TTC7B: variants seen among roughly 807,000 people sequenced by gnomAD.
TTC7B encodes the protein tetratricopeptide repeat domain 7B.
Under a neutral mutation model 106.8 loss-of-function variants are expected in TTC7B, and 28 were observed. The observed-to-expected ratio is 0.26, with a 90% CI of 0.19 to 0.36. TTC7B has a LOEUF of 0.36. Ranked by LOEUF, TTC7B falls within the 10% of genes least tolerant of loss-of-function variation. The probability of loss-of-function intolerance (pLI) is 1.00; values close to 1 mark genes in which losing one functional copy is unlikely to be tolerated. For missense variants in TTC7B, 862 were observed against 1,076.4 expected (o/e 0.80, Z 2.79); for synonymous variants, 405 against 430.6 (o/e 0.94, Z 0.74).
intron 1 of TTC7B, among the ~76,000 whole-genome samples, chr14:90,793,331 T>C (rs1385582793): frequency 6.6e-6 from 1 of 151,876 alleles, no homozygotes; most frequent in Non-Finnish European, 1.5e-5. Context: ...CGAGACCAGC[T>C]TGGCCAACAT....
In TTC7B at chr14:90,663,475, C is replaced by T. The variant is rs764579754; in HGVS notation, c.1153-5088G>A. ...GTTTTTTTTTTGCTGCTAATGGGGACCCTTGCTTGAGGCTACTAAGGACTG... is the reference window on the plus strand; with the variant it reads ...GTTTTTTTTTTGCTGCTAATGGGGATCCTTGCTTGAGGCTACTAAGGACTG... On this transcript the variant is annotated intron_variant, in intron 9 of 19. Transcript: ENST00000328459. This position sits in a 1 kb window ranked among gnomAD's most constrained non-coding sequence, Gnocchi z 4.5. Among the ~76,000 whole-genome samples, 4 of 151,824 alleles carry T rather than the reference C, an allele frequency of 2.6e-5. No individual in the cohort carries two copies. The highest frequency in any genetic ancestry group is 1.3e-4 in the Admixed American group (2 of 15,244).
intron 19 of TTC7B, among the ~76,000 whole-genome samples, chr14:90,558,636 A>T (rs548718190): frequency 3.3e-5 from 5 of 152,196 alleles, no homozygotes; most frequent in South Asian, 2.1e-4. Flanking sequence ...GCCTTGGAAA[A>T]TTTTTTTCCA....
chr14:90,652,572 A>G (rs987185332), intron 13 of TTC7B, among the ~76,000 whole-genome samples: 48 of 151,950 alleles, frequency 3.2e-4, no homozygotes, highest in African/African-American at 1.1e-3. Flanking sequence ...CTCCCTTGGC[A>G]TACAAAATAC....
intron 16 of TTC7B, among the ~76,000 whole-genome samples, chr14:90,612,249 C>T (rs1714727904): frequency 6.6e-6 from 1 of 152,170 alleles, no homozygotes; most frequent in Non-Finnish European, 1.5e-5. Flanking sequence ...AGAAACAATA[C>T]ATGTCTGTGA....
chr14:90,773,920 C>A (rs10134276), intron 3 of TTC7B, among the ~76,000 whole-genome samples: 42,046 of 152,096 alleles, frequency 0.28, 9,633 homozygotes, highest in African/African-American at 0.63. Context: ...GAGCAGTCAC[C>A]TGGCTGCTCC....
intron 3 of TTC7B, among the ~76,000 whole-genome samples, chr14:90,754,177 T>C (rs1296488069): frequency 6.6e-6 from 1 of 152,206 alleles, no homozygotes; most frequent in African/African-American, 2.4e-5. Context: ...GGCTCTAGTC[T>C]GTCAAGTAAC....
chr14:90,695,505 G>T lies in TTC7B; in HGVS notation c.772C>A (p.Arg258=). ...AAGTCACTGTTCACACTTACCATTC[G>T]CAGGTTTTGAGTCGTTCTTGTTTCA... The part of the protein sequence containing the change: ...AVETRTTQNL[R]MTIARQLAEI... Residue 258 remains arginine (R), a synonymous_variant, in exon 6 of 20, where the codon CGA becomes AGA. Transcript: ENST00000328459. 2 of 1,589,646 alleles carry T rather than the reference G, an allele frequency of 1.3e-6. No homozygotes were observed. Among genetic ancestry groups the T allele is most frequent in the Non-Finnish European group, 1.7e-6 (2 of 1,168,898 alleles).
At chr14:90,642,434 T>C (rs113423069) in intron 15 of TTC7B, among the ~76,000 whole-genome samples, 2,095 of 152,320 alleles carry the variant, frequency 0.014, 50 homozygotes, top group African/African-American at 0.048. Flanking sequence ...ACTTAAAGTT[T>C]GTGGCTGCAC....
At chr14:90,770,653 CAAA>C (rs1376952647) in intron 3 of TTC7B, among the ~76,000 whole-genome samples, 3 of 105,094 alleles carry the variant, frequency 2.9e-5, no homozygotes. Flanking sequence ...AACTCCATCT[CAAA>C]AAAAAAAAAA....
At chr14:90,652,422 G>A (rs8020455) in intron 13 of TTC7B, among the ~76,000 whole-genome samples, 148,348 of 150,972 alleles carry the variant, frequency 0.98, 72,928 homozygotes, top group East Asian at 1. Flanking sequence ...TCAGTATTTC[G>A]GAGACTTCCT....
At chr14:90,565,381 A>C (rs1385443883) in intron 19 of TTC7B, among the ~76,000 whole-genome samples, 1 of 149,700 alleles carries the variant, frequency 6.7e-6, no homozygotes, top group Non-Finnish European at 1.5e-5. Flanking sequence ...CTTCCTCACT[A>C]AGCTTAATCC....
At chr14:90,769,539 G>A (rs1003802932) in intron 3 of TTC7B, among the ~76,000 whole-genome samples, 7 of 152,236 alleles carry the variant, frequency 4.6e-5, no homozygotes, top group Non-Finnish European at 8.8e-5. Flanking sequence ...GCTGAGGTGG[G>A]AGGATTGCTT....
chr14:90,599,541 G>C (rs1257507422), intron 17 of TTC7B, among the ~76,000 whole-genome samples: 1 of 152,234 alleles, frequency 6.6e-6, no homozygotes, highest in African/African-American at 2.4e-5. Flanking sequence ...TTGCTTCCCA[G>C]CCCTGGAGAA....
At chr14:90,705,171 G>T (rs569651970) in intron 5 of TTC7B, among the ~76,000 whole-genome samples, 1 of 152,166 alleles carries the variant, frequency 6.6e-6, no homozygotes, top group East Asian at 1.9e-4. Flanking sequence ...CTCCCACTAG[G>T]ATGGAGTATG....
At chr14:90,630,416 G>T (rs1884642936) in intron 15 of TTC7B, among the ~76,000 whole-genome samples, 1 of 152,196 alleles carries the variant, frequency 6.6e-6, no homozygotes, top group Non-Finnish European at 1.5e-5. Context: ...ACGAATGCTG[G>T]AAACCCTCCT....
At chr14:90,708,611 C>T (rs371962200) in intron 5 of TTC7B, among the ~76,000 whole-genome samples, 2 of 152,352 alleles carry the variant, frequency 1.3e-5, no homozygotes, top group South Asian at 4.1e-4. Context: ...CCAGATATTA[C>T]TGCTCATTGA....
chr14:90,669,027 G>A (rs1254538457), intron 9 of TTC7B, among the ~76,000 whole-genome samples: 1 of 151,942 alleles, frequency 6.6e-6, no homozygotes, highest in East Asian at 1.9e-4. Context: ...ACAGACCAAA[G>A]GAACAGAATT....
rs139268761 is a variant in TTC7B, at chr14:90,616,132, G to A, written c.1868+1797C>T. ...GGTGTGGGGAACTGAGGGGAAATTGGCAACACGAAGCTGATGGGTTTATTT... is the reference window on the plus strand; with the variant it reads ...GGTGTGGGGAACTGAGGGGAAATTGACAACACGAAGCTGATGGGTTTATTT... On this transcript the variant is annotated intron_variant, in intron 16 of 19. Transcript: ENST00000328459. Among the ~76,000 whole-genome samples, 177 of 152,298 alleles carry A rather than the reference G, an allele frequency of 1.2e-3. 1 individual carries two copies. Among genetic ancestry groups the A allele is most frequent in the African/African-American group, 3.9e-3 (163 of 41,564 alleles).
rs1048104436 is a variant in TTC7B at position 90,600,805 on chromosome 14, G to A, written c.1967-7179C>T. 2.6e-5 allele frequency among the ~76,000 whole-genome samples: 4 copies of A among 152,202 alleles called. No homozygotes were observed. Among genetic ancestry groups the A allele is most frequent in the Admixed American group, 2.0e-4 (3 of 15,292 alleles). On this transcript the variant is annotated intron_variant, in intron 17 of 19. Coordinates refer to ENST00000328459, the MANE Select transcript of TTC7B (RefSeq NM_001010854.2). The surrounding 1 kb of genome is among the most constrained non-coding windows in gnomAD (Gnocchi z 4.3). ...AAGGTGCCAGCTGTCAGAGCGAGCC[G>A]CTGCCGGTGGCTCTGCGCTAGAGAC...
Sources: gnomAD v4.1 joint callset for allele counts (sites outside exome capture counted in the v4.1 genomes callset) on GRCh38, gnomAD v4.1.1 for gene constraint, Gnocchi (gnomAD v3.1) non-coding constraint, MANE v1.5 for transcripts, NCBI Gene and HGNC (gene_info 2026-07-23, HGNC 2026-07-21) for gene names.